Variants in DNAH9 observed in about 807,000 individuals in gnomAD.
The protein encoded by DNAH9 is dynein axonemal heavy chain 9, also known as DNAH9 variant protein.
A neutral mutation model predicts 471.6 loss-of-function variants in DNAH9; 345 were observed. The observed-to-expected ratio is 0.73, with a 90% CI of 0.67 to 0.80. DNAH9 has a LOEUF of 0.80. DNAH9 is among the 30% of genes least tolerant of loss of function. DNAH9 has a pLI of 0.00. For synonymous variants in DNAH9, 2,093 were observed against 2,123.6 expected (o/e 0.99, Z 0.40); for missense variants, 5,407 against 5,609.2 (o/e 0.96, Z 1.15).
intron 23 of DNAH9, among the ~76,000 whole-genome samples, chr17:11,700,398 T>A (rs2074569028): frequency 6.6e-6 from 1 of 152,154 alleles, no homozygotes; most frequent in Non-Finnish European, 1.5e-5. Context: ...CTCCAGGAAC[T>A]GCCTCCTCCA....
intron 49 of DNAH9, among the ~76,000 whole-genome samples, chr17:11,840,920 TG>T (rs1200043414): frequency 3.9e-5 from 6 of 152,202 alleles, no homozygotes; most frequent in Admixed American, 6.5e-5. Context: ...ACCTCCAGAA[TG>T]GCAAGATAGT....
intron 62 of DNAH9, among the ~76,000 whole-genome samples, chr17:11,925,871 A>G (rs1974302655): frequency 6.6e-6 from 1 of 152,042 alleles, no homozygotes; most frequent in African/African-American, 2.4e-5. Flanking sequence ...TAATCTGTCC[A>G]CACTGTAAAG....
At chr17:11,715,894 C>T (rs955488481) in intron 26 of DNAH9, among the ~76,000 whole-genome samples, 1 of 152,026 alleles carries the variant, frequency 6.6e-6, no homozygotes, top group Non-Finnish European at 1.5e-5. Flanking sequence ...CTGGCCCACA[C>T]TCGCAAGCAG....
chr17:11,851,076 C>G (rs1250237874), intron 49 of DNAH9, among the ~76,000 whole-genome samples: 2 of 147,542 alleles, frequency 1.4e-5, no homozygotes, highest in African/African-American at 2.5e-5. Flanking sequence ...GGGTGGGGGT[C>G]GTTTAAATTG....
intron 4 of DNAH9, among the ~76,000 whole-genome samples, chr17:11,613,143 G>A (rs7212733): frequency 0.054 from 8,211 of 152,210 alleles, 690 homozygotes; most frequent in African/African-American, 0.18. Flanking sequence ...CTCCCAGCAC[G>A]TTTGGCTGGC....
chr17:11,734,386 C>G (rs994930833), intron 28 of DNAH9, among the ~76,000 whole-genome samples: 2 of 152,224 alleles, frequency 1.3e-5, no homozygotes, highest in African/African-American at 2.4e-5. Flanking sequence ...GATTTAATTC[C>G]TGCGGAATAG....
chr17:11,807,631 T>C, intron 43 of DNAH9, 101 bp from the exon 44 acceptor site: 2 of 1,280,002 alleles, frequency 1.6e-6, no homozygotes, highest in Non-Finnish European at 2.2e-6. Context: ...GCCTGTGACG[T>C]GCCTCCAAGG....
intron 26 of DNAH9, 114 bp downstream of exon 26, chr17:11,705,299 A>G: frequency 1.1e-6 from 1 of 900,460 alleles, no homozygotes; most frequent in Non-Finnish European, 1.7e-6. Flanking sequence ...AGCTACAGGG[A>G]AAGGGCCTGA....
At chr17:11,949,438 G>A (rs1975275258) in intron 67 of DNAH9, among the ~76,000 whole-genome samples, 1 of 151,190 alleles carries the variant, frequency 6.6e-6, no homozygotes, top group South Asian at 2.1e-4. Context: ...GAAACTGGTT[G>A]AATTAACATA....
chr17:11,801,017 A>G (rs972005434), intron 43 of DNAH9, among the ~76,000 whole-genome samples: 1 of 152,186 alleles, frequency 6.6e-6, no homozygotes, highest in African/African-American at 2.4e-5. Context: ...ATTTAAAACG[A>G]CATGTAGCTC....
Position 11,932,158 on chromosome 17 carries a change from A to G in DNAH9, c.12250A>G (p.Thr4084Ala). 1 of 1,614,104 alleles carries G rather than the reference A, an allele frequency of 6.2e-7. No individual in the cohort carries two copies. Among genetic ancestry groups the G allele is most frequent in the Non-Finnish European group, 8.5e-7 (1 of 1,180,034 alleles). ...RSYPFNTGDLTISVNVLYNFL... is the reference protein window; with the variant it reads ...RSYPFNTGDLAISVNVLYNFL... ...ATACCCCTTTAACACTGGAGACCTCACTATCTCTGTGAATGTCCTCTACAA... is the reference window on the plus strand; with the variant it reads ...ATACCCCTTTAACACTGGAGACCTCGCTATCTCTGTGAATGTCCTCTACAA... Residue 4084 changes from threonine (T) to alanine (A), a missense_variant, in exon 64 of 69, where the codon ACT becomes GCT. Physicochemically the swap from Thr to Ala is moderately conservative, Grantham distance 58 (BLOSUM62 0). Coordinates refer to ENST00000262442, the MANE Select transcript of DNAH9 (RefSeq NM_001372.4). This position sits in a 1 kb window ranked among gnomAD's most constrained non-coding sequence, Gnocchi z 4.3.
chr17:11,964,859 C>G (rs77452734), intron 68 of DNAH9, among the ~76,000 whole-genome samples: 1,636 of 152,204 alleles, frequency 0.011, 31 homozygotes, highest in African/African-American at 0.037. Flanking sequence ...TCCCCACCCC[C>G]CCACAAAAAA....
chr17:11,748,809 A>G (rs1463803491), intron 32 of DNAH9, among the ~76,000 whole-genome samples: 1 of 151,944 alleles, frequency 6.6e-6, no homozygotes, highest in African/African-American at 2.4e-5. Flanking sequence ...TCTTTCTAAA[A>G]CCTATGTAGC....
intron 7 of DNAH9, among the ~76,000 whole-genome samples, chr17:11,632,271 G>T (rs900123871): frequency 5.3e-5 from 8 of 152,270 alleles, no homozygotes; most frequent in Admixed American, 2.6e-4. Flanking sequence ...GGTTTTCAGG[G>T]TTATGTGAGC....
intron 43 of DNAH9, among the ~76,000 whole-genome samples, chr17:11,801,500 A>C (rs1597665541): frequency 1.3e-5 from 2 of 151,992 alleles, no homozygotes; most frequent in Admixed American, 1.3e-4. Context: ...GGCCAGCCTG[A>C]CCAACATGGT....
rs369739463 is a variant in DNAH9, at chr17:11,680,482, A to G, written c.3577-241A>G. On this transcript the variant is annotated intron_variant, in intron 18 of 68. Transcript: ENST00000262442. ...ACAAATTTAGAGGGCTTAGAGGACC[A>G]GAGGTTGAGAGCAAGAAGGTTAGTG... 1.6e-4 allele frequency among the ~76,000 whole-genome samples: 25 copies of G among 152,330 alleles called. No homozygotes were observed. In the South Asian group the frequency reaches 2.3e-3, roughly 14 times the overall value.
rs142343264 is a variant in DNAH9, at chr17:11,600,031, T to C, written c.417+1116T>C. On this transcript the variant is annotated intron_variant, in intron 1 of 68. Coordinates refer to ENST00000262442, the MANE Select transcript of DNAH9 (RefSeq NM_001372.4). ...TCAAGTGTAAGCCCTTTAGATGGTG[T>C]ATCAGGAGGCTGTGGGGAGGTGAAA... Among the ~76,000 whole-genome samples the C allele has an allele frequency of 5.0e-3, 758 of 152,264 alleles. 3 individuals are homozygous for C. The highest frequency in any genetic ancestry group is 8.1e-3 in the Non-Finnish European group (548 of 68,028).
chr17:11,715,340 C>T (rs1335312187), intron 26 of DNAH9, among the ~76,000 whole-genome samples: 5 of 152,086 alleles, frequency 3.3e-5, no homozygotes, highest in Non-Finnish European at 7.4e-5. Context: ...AGAACAAAAC[C>T]TGTAGAAGTT....
intron 6 of DNAH9, among the ~76,000 whole-genome samples, chr17:11,621,597 T>TATTG (rs1217563554): frequency 4.6e-5 from 7 of 151,804 alleles, no homozygotes; most frequent in Non-Finnish European, 7.4e-5. Context: ...GTTCAGAAAG[T>TATTG]ATTGGTTCAG....
Sources: allele counts gnomAD v4.1 joint callset (sites outside exome capture counted in the v4.1 genomes callset), GRCh38; gene constraint gnomAD v4.1.1; non-coding constraint Gnocchi (gnomAD v3.1); transcripts MANE v1.5; gene names NCBI Gene and HGNC (gene_info 2026-07-23, HGNC 2026-07-21).